DOK6: variants seen among roughly 807,000 people sequenced by gnomAD.
The protein encoded by DOK6 is docking protein 6, also known as downstream of tyrosine kinase 6.
A neutral mutation model predicts 44.0 loss-of-function variants in DOK6; 22 were observed. The observed-to-expected ratio is 0.50, with a 90% CI of 0.36 to 0.71. The LOEUF (loss-of-function observed/expected upper bound fraction) is 0.71, where lower values mean the gene tolerates loss of function less well. Ranked by LOEUF, DOK6 falls within the 30% of genes least tolerant of loss-of-function variation. DOK6 has a pLI of 0.00. For missense variants in DOK6, 340 were observed against 416.4 expected, an observed-to-expected ratio of 0.82 and a Z score of 1.60; for synonymous variants, 166 against 145.5, an observed-to-expected ratio of 1.14 and a Z score of -1.01.
chr18:69,617,715 G>T (rs1005746691), intron 3 of DOK6, among the ~76,000 whole-genome samples: 19 of 89,200 alleles, frequency 2.1e-4, no homozygotes, highest in African/African-American at 6.3e-4. Flanking sequence ...AGAAAAGAAA[G>T]AAAGAAAGAA....
intron 1 of DOK6, among the ~76,000 whole-genome samples, chr18:69,490,882 G>A (rs936727438): frequency 2.6e-5 from 4 of 152,286 alleles, no homozygotes; most frequent in South Asian, 2.1e-4. Flanking sequence ...TGAATTTTGC[G>A]TATGGGTGAT....
chr18:69,729,598 G>A (rs1191495045), intron 5 of DOK6, among the ~76,000 whole-genome samples: 2 of 152,136 alleles, frequency 1.3e-5, no homozygotes, highest in Admixed American at 1.3e-4. Flanking sequence ...ATGGGCACCA[G>A]TAAGAAATGA....
At chr18:69,684,873 C>T (rs1047832238) in intron 4 of DOK6, among the ~76,000 whole-genome samples, 2 of 152,118 alleles carry the variant, frequency 1.3e-5, no homozygotes, top group African/African-American at 2.4e-5. Flanking sequence ...TCCTTAGTTA[C>T]AGGCTGGACC....
intron 3 of DOK6, among the ~76,000 whole-genome samples, chr18:69,672,167 A>AG (rs1203989270): frequency 1.3e-5 from 2 of 152,204 alleles, no homozygotes; most frequent in Non-Finnish European, 2.9e-5. Context: ...GGAGGAAATG[A>AG]GGGGAACTCC....
At chr18:69,488,609 T>C (rs1980649093) in intron 1 of DOK6, among the ~76,000 whole-genome samples, 1 of 152,182 alleles carries the variant, frequency 6.6e-6, no homozygotes, top group Admixed American at 6.5e-5. Context: ...AGCAAAGTCC[T>C]GTCTTACATG....
rs1412524921 is a variant in DOK6, at chr18:69,848,208, G to A, written c.*6825G>A. The A allele has an allele frequency of 6.6e-6, 1 of 151,812 alleles. No individual in the cohort carries two copies. Among genetic ancestry groups the A allele is most frequent in the Non-Finnish European group, 1.5e-5 (1 of 67,960 alleles). The allele number at this position is 151,812 out of a possible 1,614,324, so 9.4% of individuals were successfully genotyped here. A position where few individuals can be genotyped will look rare whatever the true frequency, so the allele number is the denominator to read the frequency against. On this transcript the variant is annotated 3_prime_UTR_variant, in exon 8 of 8. Transcript: ENST00000382713. ...ATAATGTGTTATATATTTGCTTTTT[G>A]TAAATCTTTATTTAATTAATTTATA...
chr18:69,623,401 C>A (rs9961497), intron 3 of DOK6, among the ~76,000 whole-genome samples: 109,816 of 151,536 alleles, frequency 0.72, 41,767 homozygotes, highest in Non-Finnish European at 0.85. Context: ...CATTCAATAA[C>A]ATTTTCCAGC....
intron 7 of DOK6, among the ~76,000 whole-genome samples, chr18:69,776,581 A>G (rs778567167): frequency 6.6e-5 from 10 of 152,074 alleles, no homozygotes; most frequent in Non-Finnish European, 1.2e-4. Flanking sequence ...CTAAGCACTC[A>G]ACCTTGTAGG....
intron 5 of DOK6, among the ~76,000 whole-genome samples, chr18:69,726,831 TTTTTG>T (rs1242701060): frequency 1.3e-5 from 2 of 149,272 alleles, no homozygotes; most frequent in African/African-American, 4.9e-5. Flanking sequence ...CCTTTGGGCC[TTTTTG>T]TTTTGTGATC....
chr18:69,659,798 G>T (rs1456968449), intron 3 of DOK6: 2 of 100,510 alleles, frequency 2.0e-5, no homozygotes, highest in Non-Finnish European at 4.2e-5. Flanking sequence ...AATCCTGGTG[G>T]TTTTTTTTTC....
rs773183518 is a variant in DOK6, at chr18:69,677,828, C to A, written c.384C>A (p.Ala128=). 1 of 1,613,656 alleles carries A rather than the reference C, an allele frequency of 6.2e-7. No individual in the cohort carries two copies. Among genetic ancestry groups the A allele is most frequent in the African/African-American group, 1.3e-5 (1 of 75,022 alleles). ...DISLGEPDLL[A]AGVQREQNER... is the part of the protein sequence containing the mutation. ...GCCTTGGGGAGCCCGACCTTCTGGC[C>A]GCAGGAGTGCAGCGGGAACAGAATG... is the stretch of plus-strand genomic sequence containing the variant. Residue 128 remains alanine, a synonymous_variant, in exon 4 of 8, where the codon GCC becomes GCA. Transcript: ENST00000382713.
At chr18:69,522,449 G>A (rs1374559446) in intron 1 of DOK6, among the ~76,000 whole-genome samples, 1 of 151,950 alleles carries the variant, frequency 6.6e-6, no homozygotes, top group Non-Finnish European at 1.5e-5. Flanking sequence ...GTGTATGTTT[G>A]CAATGACTGT....
At position 69,739,355 on chromosome 18, in the gene DOK6, C is replaced by G. The variant is rs192605182; in HGVS notation, c.738+252C>G. Among the ~76,000 whole-genome samples, 6 of 152,338 alleles carry G rather than the reference C, an allele frequency of 3.9e-5. No individual in the cohort carries two copies. In the East Asian group the frequency reaches 1.2e-3, roughly 29 times the overall value. On this transcript the variant is annotated intron_variant, in intron 6 of 7. Transcript: ENST00000382713. ...ATGTAAGACCTGTTGCCTTGGATGTCAGAGAGTAGATTGCATGAAATAAGA... is the reference window on the plus strand; with the variant it reads ...ATGTAAGACCTGTTGCCTTGGATGTGAGAGAGTAGATTGCATGAAATAAGA...
intron 1 of DOK6, among the ~76,000 whole-genome samples, chr18:69,418,673 T>C (rs1978404060): frequency 1.3e-5 from 2 of 151,850 alleles, no homozygotes; most frequent in South Asian, 4.2e-4. Flanking sequence ...GGTCTTGCTG[T>C]GTTGCCAATG....
At chr18:69,786,804 C>A (rs1980443658) in intron 7 of DOK6, among the ~76,000 whole-genome samples, 1 of 152,180 alleles carries the variant, frequency 6.6e-6, no homozygotes, top group Non-Finnish European at 1.5e-5. Context: ...ATATAAAATT[C>A]ATACATATGG....
At chr18:69,509,433 C>T (rs369026659) in intron 1 of DOK6, among the ~76,000 whole-genome samples, 7 of 151,922 alleles carry the variant, frequency 4.6e-5, no homozygotes, top group Non-Finnish European at 1.0e-4. Flanking sequence ...GTCAGGAGAT[C>T]GAGACCATCC....
chr18:69,822,612 A>G (rs955249172), intron 7 of DOK6, among the ~76,000 whole-genome samples: 1 of 152,212 alleles, frequency 6.6e-6, no homozygotes, highest in African/African-American at 2.4e-5. Flanking sequence ...GAAAAAACAA[A>G]TCTTCCTTTG....
chr18:69,480,962 A>G (rs1599151204), intron 1 of DOK6, among the ~76,000 whole-genome samples: 2 of 152,156 alleles, frequency 1.3e-5, no homozygotes, highest in African/African-American at 2.4e-5. Context: ...GAAGCCCAAT[A>G]TATCTACCTC....
In DOK6 at chr18:69,629,174, G is replaced by A. The variant is rs149413967; in HGVS notation, c.289+29676G>A. 1.9e-3 allele frequency among the ~76,000 whole-genome samples: 292 copies of A among 152,320 alleles called. 1 individual carries two copies. The highest frequency in any genetic ancestry group is 6.5e-3 in the African/African-American group (272 of 41,576). ...CAGCTGTTCTGAGAGAGTTCAGGCA[G>A]CTTCATATCTATGCAGAGGTTCATT... is the stretch of plus-strand genomic sequence containing the variant. On this transcript the variant is annotated intron_variant, in intron 3 of 7. Coordinates refer to ENST00000382713, the MANE Select transcript of DOK6 (RefSeq NM_152721.6).
Sources: allele counts gnomAD v4.1 joint callset (sites outside exome capture counted in the v4.1 genomes callset), GRCh38; gene constraint gnomAD v4.1.1; transcripts MANE v1.5; gene names NCBI Gene and HGNC (gene_info 2026-07-23, HGNC 2026-07-21).